The following HIVEP3 variants were observed in gnomAD, a reference collection of about 807,000 sequenced individuals.
HIVEP3 encodes HIVEP zinc finger 3, also known as transcription factor HIVEP3.
HIVEP3 carries 49 observed loss-of-function variants against 152.8 expected under a neutral mutation model. That is an observed-to-expected ratio of 0.32 (90% CI 0.26 to 0.41). The LOEUF (loss-of-function observed/expected upper bound fraction) is 0.41. Ranked by LOEUF, HIVEP3 falls within the 10% of genes least tolerant of loss-of-function variation. HIVEP3 has a pLI of 1.00. For synonymous variants in HIVEP3, 1,269 were observed against 1,289.0 expected, an observed-to-expected ratio of 0.98 and a Z score of 0.33; for missense variants, 2,790 against 3,103.3, an observed-to-expected ratio of 0.90 and a Z score of 2.40.
rs1644909090 is a variant in HIVEP3 at position 41,918,464 on chromosome 1, A to T, written c.-852T>A. 6.6e-6 allele frequency: 1 copy of T among 152,220 alleles called. No homozygotes were observed. The highest frequency in any genetic ancestry group is 1.5e-5 in the Non-Finnish European group (1 of 68,048). The allele number at this position is 152,220 out of a possible 1,614,324, so 9.4% of individuals were successfully genotyped here. ...CCTGTGTTCTCTGACCCACGGATCC[A>T]GCCCCTTCTTCATGAATTATTCCGG... On this transcript the variant is annotated 5_prime_UTR_variant, in exon 1 of 9. Coordinates refer to ENST00000372583, the MANE Select transcript of HIVEP3 (RefSeq NM_024503.5). This position sits in a 1 kb window ranked among gnomAD's most constrained non-coding sequence, Gnocchi z 4.3.
At chr1:41,551,913 C>T (rs1421374177) in intron 5 of HIVEP3, among the ~76,000 whole-genome samples, 1 of 152,022 alleles carries the variant, frequency 6.6e-6, no homozygotes, top group Non-Finnish European at 1.5e-5. Flanking sequence ...CTATTTCTTG[C>T]CTTCTGCTAG....
At chr1:41,923,915 T>C (rs1415250507), upstream of HIVEP3, among the ~76,000 whole-genome samples, 3 of 152,146 alleles carry the variant, frequency 2.0e-5, no homozygotes, top group South Asian at 4.1e-4. Context: ...TTTTTTCTAA[T>C]AGTGGAAAGA....
intron 1 of HIVEP3, among the ~76,000 whole-genome samples, chr1:41,755,663 G>C (rs1647275677): frequency 6.7e-6 from 1 of 149,302 alleles, no homozygotes; most frequent in Admixed American, 6.7e-5. Context: ...ATGGGCTAAA[G>C]ACATGAATGA....
intron 4 of HIVEP3, among the ~76,000 whole-genome samples, chr1:41,578,915 C>G (rs1644361322): frequency 6.6e-6 from 1 of 152,218 alleles, no homozygotes; most frequent in African/African-American, 2.4e-5. Context: ...AGCTGTTATT[C>G]CACAAATGCC....
chr1:41,661,513 G>C (rs938752197), intron 2 of HIVEP3, among the ~76,000 whole-genome samples: 1 of 152,210 alleles, frequency 6.6e-6, no homozygotes, highest in Non-Finnish European at 1.5e-5. Flanking sequence ...GACCATGCCA[G>C]GTACAACCCG....
At chr1:41,872,276 G>A (rs560584512) in intron 1 of HIVEP3, among the ~76,000 whole-genome samples, 4 of 152,328 alleles carry the variant, frequency 2.6e-5, no homozygotes, top group South Asian at 2.1e-4. Context: ...TACAGAAAAC[G>A]GAAGTGAGGT....
chr1:41,868,119 G>T (rs1644012736), intron 1 of HIVEP3, among the ~76,000 whole-genome samples: 1 of 151,490 alleles, frequency 6.6e-6, no homozygotes, highest in African/African-American at 2.4e-5. Flanking sequence ...ACTAACTCCA[G>T]CCACACTGGC....
chr1:41,883,560 T>C (rs1366502317), intron 1 of HIVEP3, among the ~76,000 whole-genome samples: 1 of 152,178 alleles, frequency 6.6e-6, no homozygotes, highest in Non-Finnish European at 1.5e-5. Context: ...TCACCTGCAA[T>C]GGTACACCTG....
At chr1:41,517,012 G>A (rs1642627261) in intron 7 of HIVEP3, among the ~76,000 whole-genome samples, 1 of 152,232 alleles carries the variant, frequency 6.6e-6, no homozygotes, top group South Asian at 2.1e-4. Context: ...ATTTATTGCG[G>A]AACCCCCAGC....
chr1:41,692,725 C>T (rs1269949292), intron 2 of HIVEP3, among the ~76,000 whole-genome samples: 1 of 152,176 alleles, frequency 6.6e-6, no homozygotes, highest in Non-Finnish European at 1.5e-5. Flanking sequence ...ATGGACGTTC[C>T]ATACCCTTTT....
chr1:41,808,112 A>G (rs1650740413), intron 1 of HIVEP3, among the ~76,000 whole-genome samples: 1 of 152,222 alleles, frequency 6.6e-6, no homozygotes, highest in South Asian at 2.1e-4. Context: ...TTTAATCTTC[A>G]CAACAACCCT....
At chr1:41,834,792 TA>T (rs1416102693) in intron 1 of HIVEP3, among the ~76,000 whole-genome samples, 1 of 151,402 alleles carries the variant, frequency 6.6e-6, no homozygotes, top group East Asian at 1.9e-4. Context: ...TCTGAAAAAA[TA>T]ATAAAGAAAG....
At chr1:41,827,490 G>C (rs962782135) in intron 1 of HIVEP3, among the ~76,000 whole-genome samples, 4 of 147,962 alleles carry the variant, frequency 2.7e-5, no homozygotes, top group Non-Finnish European at 6.0e-5. Context: ...AGGTTCCAGG[G>C]AAGATGCCTG....
chr1:41,710,198 C>T (rs951983484), intron 1 of HIVEP3, among the ~76,000 whole-genome samples: 4 of 152,176 alleles, frequency 2.6e-5, no homozygotes, highest in Non-Finnish European at 5.9e-5. Context: ...TCTGCCTCTT[C>T]AGAGCTCCCA....
chr1:41,614,500 C>A (rs577967713), intron 3 of HIVEP3, among the ~76,000 whole-genome samples: 2 of 152,378 alleles, frequency 1.3e-5, no homozygotes, highest in South Asian at 4.1e-4. Flanking sequence ...GAAGTCCCAA[C>A]AGGCTGAGCA....
chr1:41,512,745 G>A (rs993909193), intron 8 of HIVEP3, 71 bp downstream of exon 8: 13 of 1,252,858 alleles, frequency 1.0e-5, no homozygotes, highest in Non-Finnish European at 1.4e-5. Flanking sequence ...GTGATACCCA[G>A]GAGGGTGTGA....
chr1:41,915,083 C>A (rs928613434), intron 1 of HIVEP3, among the ~76,000 whole-genome samples: 1 of 152,116 alleles, frequency 6.6e-6, no homozygotes, highest in Non-Finnish European at 1.5e-5. Context: ...TATCCAGAAA[C>A]CTCACAGGTG....
At chr1:41,787,502 C>A (rs890743969) in intron 1 of HIVEP3, among the ~76,000 whole-genome samples, 44 of 151,270 alleles carry the variant, frequency 2.9e-4, no homozygotes, top group African/African-American at 8.5e-4. Context: ...CATTGACATG[C>A]AAAGTGATTT....
At chr1:41,998,000 C>A (rs920668294) in intron 1 of HIVEP3, among the ~76,000 whole-genome samples, 4 of 152,102 alleles carry the variant, frequency 2.6e-5, no homozygotes, top group Non-Finnish European at 5.9e-5. Flanking sequence ...ATTGAACTAC[C>A]TGTTATATCA....
Sources: allele counts gnomAD v4.1 joint callset (sites outside exome capture counted in the v4.1 genomes callset), GRCh38; gene constraint gnomAD v4.1.1; non-coding constraint Gnocchi (gnomAD v3.1); transcripts MANE v1.5; gene names NCBI Gene and HGNC (gene_info 2026-07-23, HGNC 2026-07-21).